Variants in LRIG1 observed in about 807,000 individuals in gnomAD.
LRIG1 encodes the protein leucine rich repeats and immunoglobulin like domains 1.
In LRIG1, 48 loss-of-function variants were observed where a neutral mutation model predicts 99.2. That is an observed-to-expected ratio of 0.48 (90% CI 0.38 to 0.62). LRIG1 has a LOEUF of 0.62. Ranked by LOEUF, LRIG1 falls within the 20% of genes least tolerant of loss-of-function variation. The pLI, the probability that LRIG1 is intolerant of heterozygous loss-of-function variation, is 0.00. For synonymous variants in LRIG1, 772 were observed against 596.1 expected, an observed-to-expected ratio of 1.29 and a Z score of -4.30; for missense variants, 1,646 against 1,434.4, an observed-to-expected ratio of 1.15 and a Z score of -2.38.
At chr3:66,450,492 C>A (rs913954269) in intron 3 of LRIG1, among the ~76,000 whole-genome samples, 2 of 152,154 alleles carry the variant, frequency 1.3e-5, no homozygotes, top group African/African-American at 2.4e-5. Flanking sequence ...TCTAACCCCC[C>A]ACGCTCTCCT....
At chr3:66,445,997 C>G (rs1390421654) in intron 3 of LRIG1, among the ~76,000 whole-genome samples, 1 of 152,226 alleles carries the variant, frequency 6.6e-6, no homozygotes, top group Non-Finnish European at 1.5e-5. Context: ...TTATTCCCCC[C>G]AGCCCTGAGC....
intron 2 of LRIG1, among the ~76,000 whole-genome samples, chr3:66,459,847 A>G (rs1383063567): frequency 6.6e-6 from 1 of 152,258 alleles, no homozygotes; most frequent in Non-Finnish European, 1.5e-5. Flanking sequence ...CATGATGAAC[A>G]AAATATGAAA....
At position 66,407,617 on chromosome 3, in the gene LRIG1, G is replaced by A. The variant is rs574693508; in HGVS notation, c.936-126C>T. ...ATGACACAGATGCACACGCACGCGC[G>A]TGCGTGCACACACACACCCACACCC... On this transcript the variant is annotated intron_variant, in intron 7 of 18. Coordinates refer to ENST00000273261, the MANE Select transcript of LRIG1 (RefSeq NM_015541.3). The A allele has an allele frequency of 1.0e-4, 103 of 1,005,670 alleles. 1 individual carries two copies. The highest frequency in any genetic ancestry group is 5.4e-4 in the African/African-American group (32 of 59,754). The allele number at this position is 1,005,670 out of a possible 1,614,324, so 62.3% of individuals were successfully genotyped here. A position where few individuals can be genotyped will look rare whatever the true frequency, so the allele number is the denominator to read the frequency against.
intron 12 of LRIG1, among the ~76,000 whole-genome samples, chr3:66,393,475 G>C (rs1239180146): frequency 6.6e-6 from 1 of 152,210 alleles, no homozygotes; most frequent in Non-Finnish European, 1.5e-5. Context: ...ACCAAACTTG[G>C]ATCCCGACTC....
At chr3:66,478,924 C>T (rs1700785464) in intron 1 of LRIG1, among the ~76,000 whole-genome samples, 1 of 152,182 alleles carries the variant, frequency 6.6e-6, no homozygotes, top group Admixed American at 6.5e-5. Context: ...AGCCATTTTC[C>T]TTCTGGTTTC....
rs145981923 is a variant in LRIG1 at position 66,379,172 on chromosome 3, G to A, written c.*1091C>T. The A allele has an allele frequency of 2.4e-3, 369 of 152,744 alleles. 1 individual carries two copies. The highest frequency in any genetic ancestry group is 4.7e-3 in the Non-Finnish European group (318 of 68,032). The allele number at this position is 152,744 out of a possible 1,614,324, so 9.5% of individuals were successfully genotyped here. On this transcript the variant is annotated 3_prime_UTR_variant, in exon 19 of 19. Coordinates refer to ENST00000273261, the MANE Select transcript of LRIG1 (RefSeq NM_015541.3). ...ATGACACATTGGCACTCATAAGATG[G>A]TTAGCTACCAGTCTCAAAAGTGCAA...
intron 2 of LRIG1, among the ~76,000 whole-genome samples, chr3:66,452,388 A>C (rs906568745): frequency 6.6e-6 from 1 of 152,220 alleles, no homozygotes; most frequent in Admixed American, 6.5e-5. Flanking sequence ...GTCTGCCCCC[A>C]GAGGCTGTGC....
At chr3:66,473,579 T>C (rs1466710043) in intron 1 of LRIG1, among the ~76,000 whole-genome samples, 1 of 152,214 alleles carries the variant, frequency 6.6e-6, no homozygotes, top group Non-Finnish European at 1.5e-5. Flanking sequence ...CCAATATTAT[T>C]TTCTAGGTTT....
intron 1 of LRIG1, among the ~76,000 whole-genome samples, chr3:66,492,470 T>C (rs1387223237): frequency 6.6e-6 from 1 of 152,212 alleles, no homozygotes; most frequent in Non-Finnish European, 1.5e-5. Context: ...ACGTTCATCG[T>C]GTTTCTCAAA....
chr3:66,441,019 G>A (rs1254460157), intron 3 of LRIG1, among the ~76,000 whole-genome samples: 1 of 152,150 alleles, frequency 6.6e-6, no homozygotes, highest in Non-Finnish European at 1.5e-5. Flanking sequence ...CTACCGCTAC[G>A]TGGAAAAGGA....
At position 66,384,286 on chromosome 3, in the gene LRIG1, G is replaced by A. The variant is rs372727314; in HGVS notation, c.1790-14C>T. On this transcript the variant is annotated splice_polypyrimidine_tract_variant and intron_variant, in intron 13 of 18. Transcript: ENST00000273261. ...ATGATGGCAACACTGGAAAACATAC[G>A]TATACAGGGTCGGGTTACGGGACAG... 62 of 1,604,568 alleles carry A rather than the reference G, an allele frequency of 3.9e-5. 1 individual carries two copies. The highest frequency in any genetic ancestry group is 3.3e-4 in the Middle Eastern group (2 of 6,044).
intron 3 of LRIG1, among the ~76,000 whole-genome samples, chr3:66,438,452 GC>G: frequency 6.6e-6 from 1 of 152,158 alleles, no homozygotes; most frequent in Non-Finnish European, 1.5e-5. Flanking sequence ...TACTGAACCA[GC>G]CCCTCTCCTT....
chr3:66,478,691 C>G (rs1030426311), intron 1 of LRIG1, among the ~76,000 whole-genome samples: 2 of 152,162 alleles, frequency 1.3e-5, no homozygotes, highest in Non-Finnish European at 2.9e-5. Flanking sequence ...GCCCGCTGAC[C>G]ATCTCCCTAA....
chr3:66,454,908 T>G (rs1416730944), intron 2 of LRIG1, among the ~76,000 whole-genome samples: 2 of 152,202 alleles, frequency 1.3e-5, no homozygotes, highest in African/African-American at 4.8e-5. Context: ...CTTAATCAAA[T>G]TTGGCTTCAA....
chr3:66,392,540 C>T (rs561912290), intron 12 of LRIG1, among the ~76,000 whole-genome samples: 1 of 151,494 alleles, frequency 6.6e-6, no homozygotes, highest in African/African-American at 2.4e-5. Context: ...TCCCATAAAG[C>T]CTGAAACCTT....
intron 1 of LRIG1, among the ~76,000 whole-genome samples, chr3:66,483,813 C>T (rs1248716618): frequency 1.3e-5 from 2 of 150,444 alleles, no homozygotes; most frequent in East Asian, 1.9e-4. Flanking sequence ...CGGGCTCCCT[C>T]GCCAAACGCA....
At chr3:66,411,869 C>T (rs894752682) in intron 6 of LRIG1, among the ~76,000 whole-genome samples, 2 of 136,960 alleles carry the variant, frequency 1.5e-5, no homozygotes, top group Admixed American at 1.7e-4. Context: ...AACAGAAAAA[C>T]GAAAAAGAGA....
At chr3:66,486,919 G>A (rs1029545852) in intron 1 of LRIG1, among the ~76,000 whole-genome samples, 1 of 152,152 alleles carries the variant, frequency 6.6e-6, no homozygotes, top group African/African-American at 2.4e-5. Flanking sequence ...CAAGTGTTCT[G>A]AGACATCAGC....
In LRIG1 at chr3:66,417,840, G is replaced by A. The variant is rs115577512; in HGVS notation, c.366-574C>T. Among the ~76,000 whole-genome samples, 254 of 152,076 alleles carry A rather than the reference G, an allele frequency of 1.7e-3. 1 individual carries two copies. Among genetic ancestry groups the A allele is most frequent in the African/African-American group, 5.8e-3 (242 of 41,474 alleles). On this transcript the variant is annotated intron_variant, in intron 3 of 18. Transcript: ENST00000273261. ...CGACAAAATCCTGACAATGTAAAAT[G>A]GGAAAGAGGAGCTCACTGCTGAGTC...
Sources: allele counts gnomAD v4.1 joint callset (sites outside exome capture counted in the v4.1 genomes callset), GRCh38; gene constraint gnomAD v4.1.1; transcripts MANE v1.5; gene names NCBI Gene and HGNC (gene_info 2026-07-23, HGNC 2026-07-21).